Variants in SLC2A13 observed in about 807,000 individuals in gnomAD.
SLC2A13 encodes the protein solute carrier family 2 member 13.
In SLC2A13, 32 loss-of-function variants were observed where a neutral mutation model predicts 64.4. The observed-to-expected ratio is 0.50, with a 90% CI of 0.37 to 0.67. The LOEUF is 0.67. Among genes scored for constraint, SLC2A13 ranks in the 30% least tolerant of loss-of-function variants. SLC2A13 has a pLI of 0.00. For missense variants in SLC2A13, 743 were observed against 829.2 expected (o/e 0.90, Z 1.28); for synonymous variants, 338 against 327.1 (o/e 1.03, Z -0.36).
At chr12:40,063,175 A>C (rs1948452462) in intron 1 of SLC2A13, among the ~76,000 whole-genome samples, 1 of 152,104 alleles carries the variant, frequency 6.6e-6, no homozygotes, top group Non-Finnish European at 1.5e-5. Context: ...TATCCCTAGA[A>C]ATGGGACAAA....
intron 3 of SLC2A13, among the ~76,000 whole-genome samples, chr12:39,957,778 C>T (rs980933795): frequency 2.0e-5 from 3 of 152,264 alleles, no homozygotes; most frequent in East Asian, 3.9e-4. Context: ...ATTGATTTCT[C>T]CTGTCTCTCT....
intron 7 of SLC2A13, among the ~76,000 whole-genome samples, chr12:39,777,120 A>C (rs1014289296): frequency 7.9e-5 from 12 of 152,204 alleles, no homozygotes; most frequent in African/African-American, 2.7e-4. Context: ...CTCAAGAAAA[A>C]ACAAACTTAG....
At chr12:39,846,628 T>A (rs532122045) in intron 6 of SLC2A13, among the ~76,000 whole-genome samples, 1 of 152,148 alleles carries the variant, frequency 6.6e-6, no homozygotes, top group East Asian at 1.9e-4. Context: ...ATTTTTTGTA[T>A]TTTTGGAGAA....
chr12:39,782,108 T>C (rs1941006808), intron 7 of SLC2A13, among the ~76,000 whole-genome samples: 1 of 152,130 alleles, frequency 6.6e-6, no homozygotes, highest in Non-Finnish European at 1.5e-5. Context: ...TCTTAGGACA[T>C]AAAGACAAAA....
intron 1 of SLC2A13, among the ~76,000 whole-genome samples, chr12:40,074,198 C>T (rs1938077463): frequency 6.9e-6 from 1 of 145,242 alleles, no homozygotes; most frequent in Non-Finnish European, 1.5e-5. Context: ...CGGAGTCTTG[C>T]TCTGTCACCC....
chr12:39,943,349 C>G (rs1164924639), intron 4 of SLC2A13, among the ~76,000 whole-genome samples: 1 of 152,166 alleles, frequency 6.6e-6, no homozygotes, highest in Non-Finnish European at 1.5e-5. Context: ...TGAAGCTGTG[C>G]CCACAGCCAC....
intron 6 of SLC2A13, among the ~76,000 whole-genome samples, chr12:39,863,621 A>G (rs566367354): frequency 8.3e-4 from 126 of 152,330 alleles, no homozygotes; most frequent in Non-Finnish European, 1.5e-3. Context: ...CAGATGTCCA[A>G]ATAAAGATGC....
intron 3 of SLC2A13, among the ~76,000 whole-genome samples, chr12:40,009,418 G>T (rs917865629): frequency 2.6e-5 from 4 of 151,944 alleles, no homozygotes; most frequent in Non-Finnish European, 5.9e-5. Context: ...GAACATTAAG[G>T]TTTTTTTGTT....
At chr12:40,010,404 T>C (rs1193685245) in intron 3 of SLC2A13, among the ~76,000 whole-genome samples, 1 of 152,178 alleles carries the variant, frequency 6.6e-6, no homozygotes, top group Non-Finnish European at 1.5e-5. Context: ...CTAAAATATA[T>C]AAATGCCATT....
At chr12:39,792,786 G>T (rs568417640) in intron 7 of SLC2A13, among the ~76,000 whole-genome samples, 1 of 130,618 alleles carries the variant, frequency 7.7e-6, no homozygotes, top group South Asian at 2.9e-4. Flanking sequence ...TGATATGGAG[G>T]GCTGGCTGTA....
chr12:39,937,856 G>T (rs1325269926), intron 4 of SLC2A13, among the ~76,000 whole-genome samples: 2 of 152,136 alleles, frequency 1.3e-5, no homozygotes, highest in African/African-American at 4.8e-5. Context: ...GGTCATCGAG[G>T]TCTTTTCTCC....
At chr12:40,026,013 G>A (rs911605302) in intron 3 of SLC2A13, among the ~76,000 whole-genome samples, 4 of 152,172 alleles carry the variant, frequency 2.6e-5, no homozygotes, top group Non-Finnish European at 5.9e-5. Context: ...CAGTTCTGCA[G>A]ACCATGTTTT....
At chr12:39,812,246 A>G (rs920940131) in intron 7 of SLC2A13, among the ~76,000 whole-genome samples, 2 of 152,106 alleles carry the variant, frequency 1.3e-5, no homozygotes, top group African/African-American at 4.8e-5. Flanking sequence ...TTATAAAGGC[A>G]CTTATCCCAT....
intron 1 of SLC2A13, among the ~76,000 whole-genome samples, chr12:40,078,534 T>C (rs533862073): frequency 6.6e-6 from 1 of 152,328 alleles, no homozygotes; most frequent in East Asian, 1.9e-4. Flanking sequence ...CTGGATTCAA[T>C]TTGCTAGTGT....
intron 4 of SLC2A13, among the ~76,000 whole-genome samples, chr12:39,948,488 G>A (rs1946176392): frequency 6.6e-6 from 1 of 152,078 alleles, no homozygotes; most frequent in Non-Finnish European, 1.5e-5. Context: ...CTTTGAGGGA[G>A]AAGATAAAAA....
intron 3 of SLC2A13, among the ~76,000 whole-genome samples, chr12:39,956,301 G>A (rs1279015230): frequency 6.6e-6 from 1 of 152,208 alleles, no homozygotes; most frequent in Non-Finnish European, 1.5e-5. Flanking sequence ...GTTGCCTGTG[G>A]AGGGAGGAAT....
chr12:40,027,079 CAAA>C (rs762673381), intron 3 of SLC2A13, among the ~76,000 whole-genome samples: 1 of 83,750 alleles, frequency 1.2e-5, no homozygotes, highest in Non-Finnish European at 2.5e-5. Context: ...GACTTCATCT[CAAA>C]AAAAAAAAAA....
At chr12:39,821,982 A>C (rs1942528600) in intron 7 of SLC2A13, among the ~76,000 whole-genome samples, 2 of 152,022 alleles carry the variant, frequency 1.3e-5, no homozygotes, top group Non-Finnish European at 1.5e-5. Context: ...GGTTAGTTAC[A>C]TATGTATACA....
At chr12:39,838,138 A>G (rs933368770) in intron 6 of SLC2A13, among the ~76,000 whole-genome samples, 2 of 147,936 alleles carry the variant, frequency 1.4e-5, no homozygotes, top group African/African-American at 2.5e-5. Context: ...TGGCACATAT[A>G]CACCATGGAA....
Sources: allele counts gnomAD v4.1 joint callset (sites outside exome capture counted in the v4.1 genomes callset), GRCh38; gene constraint gnomAD v4.1.1; transcripts MANE v1.5; gene names NCBI Gene and HGNC (gene_info 2026-07-23, HGNC 2026-07-21).